The following PAG1 variants were observed in gnomAD, a reference collection of about 807,000 sequenced individuals.
The protein encoded by PAG1 is phosphoprotein membrane anchor with glycosphingolipid microdomains 1.
Under a neutral mutation model 31.7 loss-of-function variants are expected in PAG1, and 23 were observed. The observed-to-expected ratio is 0.73, with a 90% CI of 0.52 to 1.03. The LOEUF (loss-of-function observed/expected upper bound fraction) is 1.03, where lower values mean the gene tolerates loss of function less well. PAG1 is among the 50% of genes least tolerant of loss of function. The probability of loss-of-function intolerance (pLI) is 0.00; values close to 1 mark genes in which losing one functional copy is unlikely to be tolerated. For missense variants in PAG1, 473 were observed against 540.7 expected, an observed-to-expected ratio of 0.87 and a Z score of 1.24; for synonymous variants, 214 against 210.3, an observed-to-expected ratio of 1.02 and a Z score of -0.15.
intron 1 of PAG1, among the ~76,000 whole-genome samples, chr8:81,102,304 G>A (rs183952772): frequency 1.1e-4 from 16 of 152,118 alleles, no homozygotes; most frequent in Admixed American, 7.2e-4. Flanking sequence ...GCTGCCTAAC[G>A]TTTTTTAAAA....
At chr8:81,073,693 G>A (rs1023519750) in intron 1 of PAG1, among the ~76,000 whole-genome samples, 4 of 152,180 alleles carry the variant, frequency 2.6e-5, no homozygotes, top group African/African-American at 7.2e-5. Context: ...TGGGGGTTTC[G>A]ATATTGACCA....
intron 2 of PAG1, among the ~76,000 whole-genome samples, chr8:81,044,537 T>C (rs1473993778): frequency 6.6e-6 from 1 of 152,212 alleles, no homozygotes; most frequent in African/African-American, 2.4e-5. Context: ...TGTTGACATC[T>C]TGATTTTGGA....
intron 2 of PAG1, among the ~76,000 whole-genome samples, chr8:81,052,643 C>A (rs1015931311): frequency 6.6e-6 from 1 of 152,206 alleles, no homozygotes; most frequent in Non-Finnish European, 1.5e-5. Context: ...ATTACATAAT[C>A]ATTAACCACA....
At chr8:81,068,642 A>G (rs568911766) in intron 2 of PAG1, among the ~76,000 whole-genome samples, 2 of 152,254 alleles carry the variant, frequency 1.3e-5, no homozygotes, top group Non-Finnish European at 2.9e-5. Flanking sequence ...TAAAGAAATT[A>G]GAGCATTCAC....
chr8:81,061,287 T>C (rs770286567), intron 2 of PAG1, among the ~76,000 whole-genome samples: 12 of 152,210 alleles, frequency 7.9e-5, no homozygotes, highest in Admixed American at 1.3e-4. Flanking sequence ...TTCTGGCCAA[T>C]TGATCTTGAG....
intron 3 of PAG1, among the ~76,000 whole-genome samples, chr8:80,998,260 G>A (rs1215899203): frequency 2.0e-5 from 3 of 151,676 alleles, no homozygotes; most frequent in Non-Finnish European, 2.9e-5. Context: ...CTCCTGAGTA[G>A]CTGGGACTTC....
In PAG1 at chr8:81,112,045, A is replaced by G. The variant is rs1809785246; in HGVS notation, c.-688T>C. The G allele has an allele frequency of 6.6e-6, 1 of 151,944 alleles. No homozygotes were observed. The highest frequency in any genetic ancestry group is 1.5e-5 in the Non-Finnish European group (1 of 67,966). 9.4% of individuals were successfully genotyped at this position (151,944 alleles called of 1,614,324 possible). A position where few individuals can be genotyped will look rare whatever the true frequency, so the allele number is the denominator to read the frequency against. On this transcript the variant is annotated 5_prime_UTR_variant, in exon 1 of 9. Coordinates refer to ENST00000220597, the MANE Select transcript of PAG1 (RefSeq NM_018440.4). Reference sequence around the variant, plus strand: ...CGAGCGGGAGGGTACCGCAGCCAGCACTCGCCGCCGCGCCGCGGAGAATGA... The same window carrying G: ...CGAGCGGGAGGGTACCGCAGCCAGCGCTCGCCGCCGCGCCGCGGAGAATGA...
chr8:81,014,178 A>G (rs1808033295), intron 3 of PAG1, among the ~76,000 whole-genome samples: 1 of 152,236 alleles, frequency 6.6e-6, no homozygotes, highest in African/African-American at 2.4e-5. Flanking sequence ...AGAGTCATCA[A>G]ATTTAGAATA....
intron 3 of PAG1, among the ~76,000 whole-genome samples, chr8:81,025,432 T>C (rs1808258662): frequency 6.6e-6 from 1 of 152,190 alleles, no homozygotes; most frequent in Non-Finnish European, 1.5e-5. Context: ...ACTCCTCAGA[T>C]TCCACTTTGG....
At chr8:81,066,939 T>C (rs1347587216) in intron 2 of PAG1, among the ~76,000 whole-genome samples, 3 of 152,114 alleles carry the variant, frequency 2.0e-5, no homozygotes, top group Non-Finnish European at 4.4e-5. Flanking sequence ...AGTGGGAGGC[T>C]CGCTTGAGCC....
At chr8:81,064,192 T>TG (rs1808966167) in intron 2 of PAG1, among the ~76,000 whole-genome samples, 1 of 152,122 alleles carries the variant, frequency 6.6e-6, no homozygotes, top group African/African-American at 2.4e-5. Context: ...GGAAGACAAT[T>TG]TTTCCACAGG....
At position 80,968,540 on chromosome 8, in the gene PAG1, A is replaced by G. The variant is rs976513541; in HGVS notation, c.*8004T>C. ...CACCCATAAAAATTTTTGAAATACT[A>G]TGAGCAAGATACAAACATTCTGGGA... On this transcript the variant is annotated 3_prime_UTR_variant, in exon 9 of 9. Transcript: ENST00000220597. 1.3e-5 allele frequency: 2 copies of G among 152,230 alleles called. No individual in the cohort carries two copies. The highest frequency in any genetic ancestry group is 4.8e-5 in the African/African-American group (2 of 41,462). The allele number at this position is 152,230 out of a possible 1,614,324, so 9.4% of individuals were successfully genotyped here.
At chr8:81,013,547 G>C (rs1421511754) in intron 3 of PAG1, among the ~76,000 whole-genome samples, 1 of 152,114 alleles carries the variant, frequency 6.6e-6, no homozygotes, top group Non-Finnish European at 1.5e-5. Context: ...CACCCTCTCT[G>C]TTTCCTCCCA....
intron 2 of PAG1, chr8:81,039,616 C>T (rs1031647584): frequency 4.3e-4 from 66 of 152,126 alleles, no homozygotes; most frequent in African/African-American, 1.5e-3. Context: ...CCCTAGAATA[C>T]AGGGTCAGTG....
intron 1 of PAG1, among the ~76,000 whole-genome samples, chr8:81,085,941 C>T (rs1048589199): frequency 7.7e-6 from 1 of 130,212 alleles, no homozygotes; most frequent in Non-Finnish European, 1.6e-5. Context: ...TCTAATTCTT[C>T]TAGCAAGTAG....
rs553528731 is a variant in PAG1 at position 80,986,022 on chromosome 8, C to T, written c.275-645G>A. The stretch of plus-strand genomic sequence containing the variant: ...ATGCTATTGTGTGAAGCTGTTCAGT[C>T]GTCCCTTTGTCAACCGTGTTGTGAG... On this transcript the variant is annotated intron_variant, in intron 6 of 8. Coordinates refer to ENST00000220597, the MANE Select transcript of PAG1 (RefSeq NM_018440.4). Among the ~76,000 whole-genome samples the T allele has an allele frequency of 4.6e-5, 7 of 152,320 alleles. No homozygotes were observed. The South Asian group carries it at 6.2e-4, about 14-fold the overall frequency.
At chr8:81,047,380 A>G (rs1207436456) in intron 2 of PAG1, among the ~76,000 whole-genome samples, 4 of 152,182 alleles carry the variant, frequency 2.6e-5, no homozygotes, top group Non-Finnish European at 5.9e-5. Flanking sequence ...AATAACAGCC[A>G]TTCTGACTGA....
intron 1 of PAG1, among the ~76,000 whole-genome samples, chr8:81,091,596 G>C (rs1367340339): frequency 1.3e-5 from 2 of 152,078 alleles, no homozygotes; most frequent in African/African-American, 4.8e-5. Context: ...ACATAGAAAA[G>C]ATACAGTAAC....
intron 2 of PAG1, among the ~76,000 whole-genome samples, chr8:81,035,994 T>C (rs1449993095): frequency 6.6e-6 from 1 of 152,242 alleles, no homozygotes; most frequent in Non-Finnish European, 1.5e-5. Flanking sequence ...CTGTGAAATA[T>C]GATGCTGCTA....
Sources: gnomAD v4.1 joint callset for allele counts (sites outside exome capture counted in the v4.1 genomes callset) on GRCh38, gnomAD v4.1.1 for gene constraint, MANE v1.5 for transcripts, NCBI Gene and HGNC (gene_info 2026-07-23, HGNC 2026-07-21) for gene names.